The following CYTH3 variants were observed in gnomAD, a reference collection of about 807,000 sequenced individuals.
CYTH3 encodes the protein cytohesin 3, also known as cytohesin-3.
CYTH3 carries 23 observed loss-of-function variants against 55.1 expected under a neutral mutation model. The ratio of observed to expected loss-of-function variants is 0.42; its 90% CI spans 0.30 to 0.59. CYTH3 has a LOEUF of 0.59. Among genes scored for constraint, CYTH3 ranks in the 20% least tolerant of loss-of-function variants. The probability of loss-of-function intolerance (pLI) is 0.20; values close to 1 mark genes in which losing one functional copy is unlikely to be tolerated. For synonymous variants in CYTH3, 249 were observed against 194.9 expected, an observed-to-expected ratio of 1.28 and a Z score of -2.31; for missense variants, 413 against 524.8, an observed-to-expected ratio of 0.79 and a Z score of 2.08.
chr7:6,246,928 A>G (rs1421589113), intron 1 of CYTH3, among the ~76,000 whole-genome samples: 2 of 133,554 alleles, frequency 1.5e-5, no homozygotes, highest in Admixed American at 7.5e-5. Context: ...TGAGTTATTC[A>G]AACAATCTTT....
intron 1 of CYTH3, among the ~76,000 whole-genome samples, chr7:6,233,738 A>T (rs1449172058): frequency 1.3e-5 from 2 of 152,032 alleles, no homozygotes; most frequent in East Asian, 3.9e-4. Context: ...CCTTACCACC[A>T]GTCCCATCTT....
At chr7:6,177,780 C>A in intron 5 of CYTH3, 43 bp downstream of exon 5, 1 of 1,472,752 alleles carries the variant, frequency 6.8e-7, no homozygotes, top group Non-Finnish European at 9.5e-7. Flanking sequence ...AGCTGCAGGG[C>A]TGAGTGGCCC....
chr7:6,226,284 G>A (rs1433798360), intron 1 of CYTH3, among the ~76,000 whole-genome samples: 1 of 152,132 alleles, frequency 6.6e-6, no homozygotes, highest in Non-Finnish European at 1.5e-5. Context: ...AGAAAGCACT[G>A]GAGATACTTC....
intron 1 of CYTH3, among the ~76,000 whole-genome samples, chr7:6,247,259 G>T (rs1208505118): frequency 6.6e-5 from 10 of 152,132 alleles, no homozygotes; most frequent in African/African-American, 1.9e-4. Context: ...ACTATTTTCT[G>T]GCAATGTTAT....
At chr7:6,219,024 A>G (rs1299188539) in intron 1 of CYTH3, among the ~76,000 whole-genome samples, 3 of 151,130 alleles carry the variant, frequency 2.0e-5, no homozygotes, top group Non-Finnish European at 4.4e-5. Flanking sequence ...AAAAAAAAAA[A>G]AAACTGCCAC....
At chr7:6,228,301 T>C (rs1779302531) in intron 1 of CYTH3, among the ~76,000 whole-genome samples, 1 of 152,368 alleles carries the variant, frequency 6.6e-6, no homozygotes, top group Non-Finnish European at 1.5e-5. Flanking sequence ...TTCCATTTTT[T>C]ATATACATTT....
chr7:6,172,626 G>A (rs1230478412), intron 6 of CYTH3: 2 of 860,408 alleles, frequency 2.3e-6, no homozygotes, highest in East Asian at 1.1e-4. Context: ...TCCCACGGCT[G>A]TGGGAATTAA....
Position 6,231,433 on chromosome 7 carries a change from G to A in CYTH3, c.35-40902C>T, listed in dbSNP as rs574596511. On this transcript the variant is annotated intron_variant, in intron 1 of 12. Transcript: ENST00000350796. ...TCACAGCTCAGATGATGTCAAGACA[G>A]CGTCTCAGTCTTTGCAGGGTGGTGA... Among the ~76,000 whole-genome samples, 5 of 152,284 alleles carry A rather than the reference G, an allele frequency of 3.3e-5. No individual in the cohort carries two copies. The South Asian group carries it at 6.2e-4, about 19-fold the overall frequency.
At position 6,186,101 on chromosome 7, in the gene CYTH3, G is replaced by A. The variant is rs183050164; in HGVS notation, c.249+949C>T. 2.9e-3 allele frequency among the ~76,000 whole-genome samples: 435 copies of A among 151,958 alleles called. 1 individual carries two copies. The highest frequency in any genetic ancestry group is 6.8e-3 in the African/African-American group (282 of 41,454). On this transcript the variant is annotated intron_variant, in intron 4 of 12. Transcript: ENST00000350796. ...CTACTAAAAATACAAAAAATTAGCC[G>A]GGCGTGGTGGCGGGCGCCTGTAGTC... is the stretch of plus-strand genomic sequence containing the variant.
chr7:6,238,029 T>C (rs1282208585), intron 1 of CYTH3, among the ~76,000 whole-genome samples: 1 of 152,218 alleles, frequency 6.6e-6, no homozygotes, highest in Non-Finnish European at 1.5e-5. Context: ...TCCCCACTCA[T>C]TGTAACATTC....
Position 6,187,115 on chromosome 7 carries a change from T to G in CYTH3, c.184A>C (p.Lys62Gln). ...IDNLTSVEES[K>Q]TTQRNKQIAM... Reference sequence around the variant, plus strand: ...ATCTGTTTGTTCCTCTGAGTCGTTTTGCTATTGGTGTGAAATAATTTAAAA... The same window carrying G: ...ATCTGTTTGTTCCTCTGAGTCGTTTGGCTATTGGTGTGAAATAATTTAAAA... The change falls in exon 4 of 13, where the codon AAA (lysine) becomes CAA (glutamine). Residue 62 changes from lysine to glutamine, a missense_variant and splice_region_variant. Around this residue, in one of 4 missense-constraint regions of CYTH3, gnomAD observed 152 missense variants for 148.1 expected, o/e 1.03. Transcript: ENST00000350796. 5.0e-6 allele frequency: 8 copies of G among 1,614,110 alleles called. No individual in the cohort carries two copies. Among genetic ancestry groups the G allele is most frequent in the Non-Finnish European group, 5.9e-6 (7 of 1,179,938 alleles).
chr7:6,234,840 A>G (rs559372407), intron 1 of CYTH3, among the ~76,000 whole-genome samples: 12 of 152,338 alleles, frequency 7.9e-5, no homozygotes, highest in African/African-American at 2.9e-4. Context: ...CTAATTGGTA[A>G]TAAGAGAGCT....
intron 1 of CYTH3, among the ~76,000 whole-genome samples, chr7:6,206,263 G>A (rs1784185261): frequency 6.6e-6 from 1 of 152,178 alleles, no homozygotes; most frequent in Non-Finnish European, 1.5e-5. Flanking sequence ...AATGGAATGT[G>A]ATTCAGCCAT....
At chr7:6,220,744 C>T (rs1784532609) in intron 1 of CYTH3, among the ~76,000 whole-genome samples, 3 of 151,992 alleles carry the variant, frequency 2.0e-5, no homozygotes, top group Admixed American at 2.0e-4. Context: ...ACCTGTAATC[C>T]CAGCACTTTG....
intron 1 of CYTH3, among the ~76,000 whole-genome samples, chr7:6,202,334 C>T (rs998189716): frequency 2.0e-5 from 3 of 152,310 alleles, no homozygotes; most frequent in African/African-American, 4.8e-5. Flanking sequence ...TCATCTGGGA[C>T]GGGCTCAGCC....
chr7:6,233,271 C>A (rs923764141), intron 1 of CYTH3, among the ~76,000 whole-genome samples: 59 of 152,158 alleles, frequency 3.9e-4, no homozygotes, highest in African/African-American at 1.4e-3. Context: ...CCTCTACACA[C>A]TGTTTCTCCT....
In CYTH3 at chr7:6,170,296, G is replaced by C. The variant is rs1369933403; in HGVS notation, c.823+239C>G. On this transcript the variant is annotated intron_variant, in intron 9 of 12. Transcript: ENST00000350796. The surrounding 1 kb of genome is among the most constrained non-coding windows in gnomAD (Gnocchi z 7.8). Reference sequence around the variant, plus strand: ...CTGGATGCTAACTCAGCAGTTTTCTGGGACGGGCCGTGCAGCCTGGGCGCT... The same window carrying C: ...CTGGATGCTAACTCAGCAGTTTTCTCGGACGGGCCGTGCAGCCTGGGCGCT... The C allele has an allele frequency of 1.9e-6, 1 of 523,602 alleles. No homozygotes were observed. The highest frequency in any genetic ancestry group is 3.2e-5 in the East Asian group (1 of 31,094). 32.4% of individuals were successfully genotyped at this position (523,602 alleles called of 1,614,324 possible).
At chr7:6,264,636 A>G (rs1780440544) in intron 1 of CYTH3, among the ~76,000 whole-genome samples, 1 of 152,080 alleles carries the variant, frequency 6.6e-6, no homozygotes, top group East Asian at 1.9e-4. Context: ...AACACCATAC[A>G]CCAGAGGGCC....
At chr7:6,187,601 G>C in intron 3 of CYTH3, 56 bp downstream of exon 3, 1 of 1,481,430 alleles carries the variant, frequency 6.8e-7, no homozygotes, top group Non-Finnish European at 9.4e-7. Flanking sequence ...TTGACTACAG[G>C]ATGGAGGTAG....
Sources: allele counts gnomAD v4.1 joint callset (sites outside exome capture counted in the v4.1 genomes callset), GRCh38; gene constraint gnomAD v4.1.1; regional missense constraint gnomAD v4.1.1; non-coding constraint Gnocchi (gnomAD v3.1); transcripts MANE v1.5; gene names NCBI Gene and HGNC (gene_info 2026-07-23, HGNC 2026-07-21).